Variants in LRRTM4 observed in about 807,000 individuals in gnomAD.
The protein encoded by LRRTM4 is leucine rich repeat transmembrane neuronal 4.
In LRRTM4, 25 loss-of-function variants were observed where a neutral mutation model predicts 47.6. That is an observed-to-expected ratio of 0.53 (90% CI 0.38 to 0.73). The LOEUF (loss-of-function observed/expected upper bound fraction) is 0.73. LRRTM4 is among the 30% of genes least tolerant of loss of function. The probability of loss-of-function intolerance (pLI) is 0.00; values close to 1 mark genes in which losing one functional copy is unlikely to be tolerated. For missense variants in LRRTM4, 638 were observed against 713.4 expected (o/e 0.89, Z 1.20); for synonymous variants, 311 against 269.5 (o/e 1.15, Z -1.51).
chr2:76,853,735 TTAAGG>T (rs1242805725), intron 3 of LRRTM4, among the ~76,000 whole-genome samples: 3 of 152,196 alleles, frequency 2.0e-5, no homozygotes, highest in Non-Finnish European at 2.9e-5. Flanking sequence ...ACAAAAGGTG[TTAAGG>T]TAAATTCCAG....
chr2:76,904,249 T>C (rs539741798), intron 3 of LRRTM4, among the ~76,000 whole-genome samples: 1 of 152,366 alleles, frequency 6.6e-6, no homozygotes, highest in South Asian at 2.1e-4. Flanking sequence ...GTCTCTTTTA[T>C]GAGAAGAATA....
At chr2:76,827,240 A>G (rs1671214222) in intron 3 of LRRTM4, among the ~76,000 whole-genome samples, 1 of 151,840 alleles carries the variant, frequency 6.6e-6, no homozygotes, top group Admixed American at 6.6e-5. Context: ...GGTGTATGGT[A>G]CAGCTCTGTG....
intron 3 of LRRTM4, among the ~76,000 whole-genome samples, chr2:76,785,760 G>C (rs1056488558): frequency 6.6e-6 from 1 of 152,014 alleles, no homozygotes; most frequent in Non-Finnish European, 1.5e-5. Context: ...TGTATGAGAA[G>C]CTTAACAATC....
chr2:76,749,863 A>G (rs1390069162), intron 3 of LRRTM4, among the ~76,000 whole-genome samples: 4 of 152,152 alleles, frequency 2.6e-5, no homozygotes, highest in East Asian at 3.8e-4. Context: ...ACAATTTGAC[A>G]CTCTTGATGA....
At chr2:77,147,259 A>T (rs1051435601) in intron 3 of LRRTM4, among the ~76,000 whole-genome samples, 1 of 152,206 alleles carries the variant, frequency 6.6e-6, no homozygotes, top group Admixed American at 6.5e-5. Context: ...ATTGATGCAG[A>T]TATAAACCTC....
At chr2:77,132,479 AATTT>A (rs1671828222) in intron 3 of LRRTM4, among the ~76,000 whole-genome samples, 1 of 152,132 alleles carries the variant, frequency 6.6e-6, no homozygotes, top group Non-Finnish European at 1.5e-5. Flanking sequence ...CAAAATTTGT[AATTT>A]ATAGAGAATA....
chr2:76,820,291 C>T (rs914055999), intron 3 of LRRTM4, among the ~76,000 whole-genome samples: 2 of 151,834 alleles, frequency 1.3e-5, no homozygotes, highest in African/African-American at 2.4e-5. Flanking sequence ...CACCTTGGGA[C>T]TTACTTTCTT....
At chr2:77,290,976 A>T (rs1167966024) in intron 3 of LRRTM4, among the ~76,000 whole-genome samples, 1 of 152,096 alleles carries the variant, frequency 6.6e-6, no homozygotes, top group East Asian at 1.9e-4. Flanking sequence ...GTCCCAGAGG[A>T]GGACATTACT....
chr2:76,906,257 G>C (rs1673834710), intron 3 of LRRTM4, among the ~76,000 whole-genome samples: 1 of 151,968 alleles, frequency 6.6e-6, no homozygotes, highest in Non-Finnish European at 1.5e-5. Context: ...AGCTTCATAA[G>C]TGAAGGAGAA....
chr2:77,019,253 CAAAAAAA>C (rs56028060), intron 3 of LRRTM4, among the ~76,000 whole-genome samples: 63 of 80,530 alleles, frequency 7.8e-4, no homozygotes, highest in East Asian at 1.7e-3. Context: ...CACTGCTCTA[CAAAAAAA>C]AAAAAAAAAA....
intron 3 of LRRTM4, among the ~76,000 whole-genome samples, chr2:76,967,117 C>A (rs62170355): frequency 1.3e-5 from 2 of 149,982 alleles, no homozygotes; most frequent in African/African-American, 4.9e-5. Flanking sequence ...CCTGTTATGC[C>A]TTATTATGTT....
intron 3 of LRRTM4, among the ~76,000 whole-genome samples, chr2:76,925,868 G>A (rs914408702): frequency 6.6e-6 from 1 of 152,124 alleles, no homozygotes; most frequent in Admixed American, 6.6e-5. Context: ...ACCTCACACA[G>A]TATTTATAAT....
intron 3 of LRRTM4, among the ~76,000 whole-genome samples, chr2:76,830,505 G>A (rs71420973): frequency 7.8e-6 from 1 of 128,580 alleles, no homozygotes; most frequent in Non-Finnish European, 1.6e-5. Context: ...TCTATGTGTG[G>A]CAGTGTGTGC....
chr2:77,353,247 C>T (rs1308491468), intron 3 of LRRTM4, among the ~76,000 whole-genome samples: 5 of 152,014 alleles, frequency 3.3e-5, no homozygotes, highest in Admixed American at 3.3e-4. Flanking sequence ...GCTTTCTTTC[C>T]CTTTTGATTT....
intron 3 of LRRTM4, among the ~76,000 whole-genome samples, chr2:77,080,228 C>T (rs542912663): frequency 1.5e-4 from 23 of 152,280 alleles, no homozygotes; most frequent in Admixed American, 2.6e-4. Flanking sequence ...ATTCTATGTA[C>T]ATCTGATTTC....
intron 3 of LRRTM4, among the ~76,000 whole-genome samples, chr2:76,850,918 C>G (rs1490105274): frequency 1.3e-5 from 2 of 152,102 alleles, no homozygotes; most frequent in African/African-American, 4.8e-5. Context: ...TGTGTTTCTC[C>G]ACATGTCTTA....
chr2:76,921,497 T>C (rs1674431735), intron 3 of LRRTM4, among the ~76,000 whole-genome samples: 1 of 152,074 alleles, frequency 6.6e-6, no homozygotes. Context: ...TTAAGCACAG[T>C]CCACACTCAA....
At chr2:77,428,020 A>C (rs1324265335) in intron 3 of LRRTM4, among the ~76,000 whole-genome samples, 3 of 152,146 alleles carry the variant, frequency 2.0e-5, no homozygotes, top group African/African-American at 7.2e-5. Flanking sequence ...CTCCCATGCT[A>C]CTGTTCTTGT....
intron 3 of LRRTM4, among the ~76,000 whole-genome samples, chr2:76,827,601 T>C (rs115300719): frequency 1.3e-3 from 198 of 152,010 alleles, no homozygotes; most frequent in African/African-American, 4.5e-3. Flanking sequence ...TCTGAGAATG[T>C]GCAATTCAAA....
Sources: allele counts gnomAD v4.1 joint callset (sites outside exome capture counted in the v4.1 genomes callset), GRCh38; gene constraint gnomAD v4.1.1; transcripts MANE v1.5; gene names NCBI Gene and HGNC (gene_info 2026-07-23, HGNC 2026-07-21).